Variants in DTWD2 observed in about 807,000 individuals in gnomAD.
The protein encoded by DTWD2 is tRNA-uridine aminocarboxypropyltransferase 2.
Under a neutral mutation model 31.8 loss-of-function variants are expected in DTWD2, and 39 were observed. The observed-to-expected ratio is 1.22, with a 90% CI of 0.95 to 1.60. DTWD2 has a LOEUF of 1.60. Among genes scored for constraint, DTWD2 ranks in the 40% most tolerant of loss-of-function variants. The pLI is 0.00. For synonymous variants in DTWD2, 180 were observed against 142.8 expected, an observed-to-expected ratio of 1.26 and a Z score of -1.86; for missense variants, 515 against 381.5, an observed-to-expected ratio of 1.35 and a Z score of -2.92.
At chr5:118,847,377 T>A (rs955116916) in intron 5 of DTWD2, among the ~76,000 whole-genome samples, 3 of 152,164 alleles carry the variant, frequency 2.0e-5, no homozygotes, top group African/African-American at 7.2e-5. Context: ...ATGAGTTGTA[T>A]TTATCAAAAC....
chr5:118,910,078 C>G (rs1318374640), intron 4 of DTWD2, among the ~76,000 whole-genome samples: 3 of 152,182 alleles, frequency 2.0e-5, no homozygotes, highest in African/African-American at 7.2e-5. Flanking sequence ...TGTGAACATT[C>G]ATTTAGCCAT....
chr5:118,877,682 G>C (rs1752652299), intron 4 of DTWD2, among the ~76,000 whole-genome samples: 1 of 151,942 alleles, frequency 6.6e-6, no homozygotes, highest in Non-Finnish European at 1.5e-5. Context: ...TTGACGTCCA[G>C]GCCAGGACAA....
Position 118,939,309 on chromosome 5 carries a change from T to C in DTWD2, c.310-19A>G. The C allele has an allele frequency of 1.3e-6, 2 of 1,543,844 alleles. No homozygotes were observed. The highest frequency in any genetic ancestry group is 1.7e-6 in the Non-Finnish European group (2 of 1,144,136). ...TGTTTTCCTTTAATTAAAAAATGAATTGAAACATAGATTTTTACTTAGATA... is the reference window on the plus strand; with the variant it reads ...TGTTTTCCTTTAATTAAAAAATGAACTGAAACATAGATTTTTACTTAGATA... On this transcript the variant is annotated intron_variant, in intron 2 of 5. Coordinates refer to ENST00000510708, the MANE Select transcript of DTWD2 (RefSeq NM_173666.4).
Position 118,839,162 on chromosome 5 carries a change from A to AAATAAC in DTWD2, c.*1754_*1755insGTTATT, listed in dbSNP as rs545210833. On this transcript the variant is annotated 3_prime_UTR_variant, in exon 6 of 6. Coordinates refer to ENST00000510708, the MANE Select transcript of DTWD2 (RefSeq NM_173666.4). ...GGGCGACAGAGCGAGATTCCATCTC[A>AAATAAC]AATAATAATAATAATAATAATAATG... 1 of 150,726 alleles carries AAATAAC rather than the reference A, an allele frequency of 6.6e-6. No individual in the cohort carries two copies. Among genetic ancestry groups the AAATAAC allele is most frequent in the Non-Finnish European group, 1.5e-5 (1 of 67,750 alleles). 9.3% of individuals were successfully genotyped at this position (150,726 alleles called of 1,614,324 possible). A position where few individuals can be genotyped will look rare whatever the true frequency, so the allele number is the denominator to read the frequency against.
At chr5:118,852,062 A>C (rs1290076405) in intron 4 of DTWD2, among the ~76,000 whole-genome samples, 1 of 152,142 alleles carries the variant, frequency 6.6e-6, no homozygotes, top group East Asian at 1.9e-4. Flanking sequence ...TAGAGTATTA[A>C]TATCAATATT....
chr5:118,978,113 T>C (rs1755207677), intron 1 of DTWD2, among the ~76,000 whole-genome samples: 1 of 81,778 alleles, frequency 1.2e-5, no homozygotes. Context: ...AAGGATTCCC[T>C]GCTTTTTTTT....
In DTWD2 at chr5:118,971,464, T is replaced by C. The variant is rs546315337; in HGVS notation, c.218+16830A>G. ...CTAAATATATATGCACCCAATACAG[T>C]AGCACCCAGATTCATAAAGCAAGTT... On this transcript the variant is annotated intron_variant, in intron 1 of 5. Transcript: ENST00000510708. Among the ~76,000 whole-genome samples, 490 of 152,186 alleles carry C rather than the reference T, an allele frequency of 3.2e-3. 2 individuals are homozygous for C. The highest frequency in any genetic ancestry group is 0.012 in the African/African-American group (480 of 41,528).
At chr5:118,867,232 T>C (rs183720959) in intron 4 of DTWD2, among the ~76,000 whole-genome samples, 203 of 152,210 alleles carry the variant, frequency 1.3e-3, no homozygotes, top group Middle Eastern at 6.8e-3. Context: ...ATATATAATA[T>C]CTTAGTTTAA....
intron 4 of DTWD2, among the ~76,000 whole-genome samples, chr5:118,864,626 T>TTTTTA: frequency 6.8e-6 from 1 of 147,968 alleles, no homozygotes; most frequent in Admixed American, 6.6e-5. Flanking sequence ...TATCTTTCTT[T>TTTTTA]TTTTATTTTA....
At chr5:118,974,220 G>A (rs923709490) in intron 1 of DTWD2, 30 of 1,158,450 alleles carry the variant, frequency 2.6e-5, no homozygotes, top group African/African-American at 9.3e-5. Flanking sequence ...GGTCACCTTC[G>A]AGTAGAGAGG....
intron 4 of DTWD2, among the ~76,000 whole-genome samples, chr5:118,877,768 T>C (rs1233260285): frequency 1.3e-5 from 2 of 151,828 alleles, no homozygotes; most frequent in East Asian, 1.9e-4. Flanking sequence ...GTAAACAACA[T>C]GATAACATGA....
At chr5:118,860,144 AAT>A (rs986210865) in intron 4 of DTWD2, among the ~76,000 whole-genome samples, 10 of 150,230 alleles carry the variant, frequency 6.7e-5, no homozygotes, top group Admixed American at 2.0e-4. Context: ...AATATATATA[AAT>A]ATATGTTATA....
chr5:118,893,073 TA>T (rs970808514), intron 4 of DTWD2, among the ~76,000 whole-genome samples: 42 of 151,474 alleles, frequency 2.8e-4, no homozygotes, highest in Non-Finnish European at 4.6e-4. Flanking sequence ...TACTTCTATA[TA>T]AAAAAAAGTG....
At chr5:118,920,924 TCA>T (rs1287645247) in intron 4 of DTWD2, among the ~76,000 whole-genome samples, 1 of 152,178 alleles carries the variant, frequency 6.6e-6, no homozygotes, top group African/African-American at 2.4e-5. Flanking sequence ...AGAAGTGAGT[TCA>T]CAGTTAAGAA....
intron 1 of DTWD2, among the ~76,000 whole-genome samples, chr5:118,965,447 G>A (rs892856884): frequency 3.2e-5 from 3 of 94,808 alleles, no homozygotes; most frequent in Admixed American, 1.3e-4. Flanking sequence ...CACTGAGAAC[G>A]GGCCATGATG....
intron 1 of DTWD2, among the ~76,000 whole-genome samples, chr5:118,964,736 T>A (rs1369087194): frequency 6.6e-6 from 1 of 152,230 alleles, no homozygotes; most frequent in East Asian, 1.9e-4. Context: ...TCTCGTTCAC[T>A]CAGTGCTCAA....
At chr5:118,856,036 A>G (rs1465274964) in intron 4 of DTWD2, among the ~76,000 whole-genome samples, 1 of 152,156 alleles carries the variant, frequency 6.6e-6, no homozygotes, top group Non-Finnish European at 1.5e-5. Context: ...AATGACTGAC[A>G]CCGTCAGTAT....
intron 4 of DTWD2, among the ~76,000 whole-genome samples, chr5:118,912,177 T>C (rs968163496): frequency 6.6e-6 from 1 of 152,210 alleles, no homozygotes; most frequent in African/African-American, 2.4e-5. Context: ...AATGTAATTG[T>C]TTTGATTTGG....
At position 118,889,036 on chromosome 5, in the gene DTWD2, T is replaced by C. The variant is rs549651115; in HGVS notation, c.597+39501A>G. On this transcript the variant is annotated intron_variant, in intron 4 of 5. Coordinates refer to ENST00000510708, the MANE Select transcript of DTWD2 (RefSeq NM_173666.4). Reference sequence around the variant, plus strand: ...TTCCTTGAAGACATTTCTCAGTATGTGATTTGTCTTTTCATTCTCTTAATG... The same window carrying C: ...TTCCTTGAAGACATTTCTCAGTATGCGATTTGTCTTTTCATTCTCTTAATG... Among the ~76,000 whole-genome samples the C allele has an allele frequency of 4.1e-4, 62 of 152,344 alleles. 1 individual carries two copies. In the South Asian group the frequency reaches 9.5e-3, roughly 23 times the overall value.
Sources: allele counts gnomAD v4.1 joint callset (sites outside exome capture counted in the v4.1 genomes callset), GRCh38; gene constraint gnomAD v4.1.1; transcripts MANE v1.5; gene names NCBI Gene and HGNC (gene_info 2026-07-23, HGNC 2026-07-21).